The following SIPA1L3 variants were observed in gnomAD, a reference collection of about 807,000 sequenced individuals.
SIPA1L3 encodes signal-induced proliferation-associated 1-like protein 3.
In SIPA1L3, 59 loss-of-function variants were observed where a neutral mutation model predicts 150.1. The ratio of observed to expected loss-of-function variants is 0.39; its 90% confidence interval spans 0.32 to 0.49. The LOEUF is 0.49. SIPA1L3 is among the 20% of genes least tolerant of loss of function. SIPA1L3 has a pLI of 0.86. For missense variants in SIPA1L3, 2,211 were observed against 2,489.5 expected, an observed-to-expected ratio of 0.89 and a Z score of 2.38; for synonymous variants, 1,070 against 1,077.6, an observed-to-expected ratio of 0.99 and a Z score of 0.14.
intron 1 of SIPA1L3, among the ~76,000 whole-genome samples, chr19:37,934,685 CT>C (rs2046585008): frequency 7.0e-6 from 1 of 143,244 alleles, no homozygotes; most frequent in Non-Finnish European, 1.5e-5. Context: ...GGTTCCACCC[CT>C]GTGTCAGCAT....
chr19:37,943,651 G>A (rs1249014473), intron 1 of SIPA1L3, among the ~76,000 whole-genome samples: 2 of 152,186 alleles, frequency 1.3e-5, no homozygotes, highest in African/African-American at 2.4e-5. Context: ...TGATTGGGCT[G>A]AAAGTGTTCT....
chr19:38,122,396 C>G (rs10413551), intron 9 of SIPA1L3, among the ~76,000 whole-genome samples: 4,420 of 152,322 alleles, frequency 0.029, 210 homozygotes, highest in African/African-American at 0.1. Context: ...CACTCTCTCT[C>G]ATGCCCACAT....
intron 2 of SIPA1L3, among the ~76,000 whole-genome samples, chr19:38,030,623 A>AATATATATATATATATAT (rs757828313): frequency 9.4e-5 from 4 of 42,632 alleles, no homozygotes; most frequent in South Asian, 7.7e-4. Context: ...ATATGTGGCA[A>AATATATATATATATATAT]ATATATATAT....
At chr19:38,083,364 C>T (rs908201533) in intron 3 of SIPA1L3, among the ~76,000 whole-genome samples, 8 of 152,208 alleles carry the variant, frequency 5.3e-5, no homozygotes, top group Non-Finnish European at 8.8e-5. Context: ...GACTTGGGGA[C>T]AGCTCAGTGC....
intron 8 of SIPA1L3, among the ~76,000 whole-genome samples, chr19:38,112,720 G>A (rs1970794404): frequency 1.3e-5 from 2 of 152,012 alleles, no homozygotes; most frequent in Admixed American, 1.3e-4. Flanking sequence ...AAATGTTAGA[G>A]ATACAACCAA....
At chr19:38,073,849 G>C (rs556291278) in intron 2 of SIPA1L3, among the ~76,000 whole-genome samples, 1 of 152,184 alleles carries the variant, frequency 6.6e-6, no homozygotes, top group African/African-American at 2.4e-5. Context: ...ACCCTGGGCC[G>C]ACCAAGCCCA....
chr19:38,115,290 GAAAT>G (rs1970858168), intron 8 of SIPA1L3, among the ~76,000 whole-genome samples: 1 of 152,170 alleles, frequency 6.6e-6, no homozygotes, highest in Non-Finnish European at 1.5e-5. Context: ...GAAGGGAAGA[GAAAT>G]AAATACTCCA....
rs1001501115 is a variant in SIPA1L3 at position 38,082,695 on chromosome 19, C to T, written c.1130C>T (p.Ala377Val). The change falls in exon 3 of 22, where the codon GCC becomes GTC. Residue 377 changes from alanine to valine, a missense_variant. Ala to Val is a moderately conservative substitution (Grantham distance 64, BLOSUM62 0). Around this residue, in one of 5 missense-constraint regions of SIPA1L3, gnomAD observed 587 missense variants for 534.5 expected, o/e 1.10. Transcript: ENST00000222345. ...NTTTGASAAS[A>V]ASAMASLTAS... ...ACCACGGGTGCTTCGGCCGCTTCCG[C>T]CGCCTCGGCCATGGCCTCCCTCACG... 2.5e-6 allele frequency: 4 copies of T among 1,609,852 alleles called. No individual in the cohort carries two copies. The highest frequency in any genetic ancestry group is 4.5e-5 in the East Asian group (2 of 44,818).
chr19:38,034,911 C>A (rs909912292), intron 2 of SIPA1L3, among the ~76,000 whole-genome samples: 1 of 152,214 alleles, frequency 6.6e-6, no homozygotes, highest in Non-Finnish European at 1.5e-5. Context: ...CTCCCCTGCC[C>A]GTCCCTGTAG....
chr19:37,945,098 A>C (rs2046698298), intron 1 of SIPA1L3, among the ~76,000 whole-genome samples: 1 of 152,246 alleles, frequency 6.6e-6, no homozygotes, highest in Non-Finnish European at 1.5e-5. Context: ...TTTTATAGTA[A>C]AGTGCTGAGT....
chr19:38,062,606 TTTATTA>T (rs1207825635), intron 2 of SIPA1L3, among the ~76,000 whole-genome samples: 2 of 135,962 alleles, frequency 1.5e-5, no homozygotes, highest in South Asian at 2.2e-4. Flanking sequence ...TTGCTCTCAT[TTTATTA>T]TTATTATTAT....
At chr19:37,967,699 T>C (rs1289984882) in intron 1 of SIPA1L3, among the ~76,000 whole-genome samples, 1 of 152,190 alleles carries the variant, frequency 6.6e-6, no homozygotes, top group East Asian at 1.9e-4. Context: ...ACGTGAATTT[T>C]AGGGGGACAC....
Position 38,046,563 on chromosome 19 carries a change from G to C in SIPA1L3, c.-311+17407G>C, listed in dbSNP as rs893682183. ...AGATTACCTGTGTCTCCTGGGCATG[G>C]CACAGGAAATGACTCCTTCATAGGC... On this transcript the variant is annotated intron_variant, in intron 2 of 21. Coordinates refer to ENST00000222345, the MANE Select transcript of SIPA1L3 (RefSeq NM_015073.3). This position sits in a 1 kb window ranked among gnomAD's most constrained non-coding sequence, Gnocchi z 5.6. Among the ~76,000 whole-genome samples, 3 of 152,194 alleles carry C rather than the reference G, an allele frequency of 2.0e-5. No homozygotes were observed. Among genetic ancestry groups the C allele is most frequent in the African/African-American group, 7.2e-5 (3 of 41,452 alleles).
chr19:37,971,580 T>G (rs1966938467), intron 1 of SIPA1L3, among the ~76,000 whole-genome samples: 1 of 146,122 alleles, frequency 6.8e-6, no homozygotes, highest in South Asian at 2.2e-4. Flanking sequence ...GTTTTTTTTT[T>G]GCAGAGACAG....
intron 2 of SIPA1L3, among the ~76,000 whole-genome samples, chr19:38,038,347 C>G (rs1374706521): frequency 6.6e-6 from 1 of 152,074 alleles, no homozygotes; most frequent in African/African-American, 2.4e-5. Context: ...AATCCCAGCA[C>G]TTTGGGAGGC....
intron 1 of SIPA1L3, among the ~76,000 whole-genome samples, chr19:37,971,786 C>T (rs963858112): frequency 2.3e-4 from 35 of 152,094 alleles, no homozygotes; most frequent in Non-Finnish European, 3.4e-4. Context: ...AGGTTGGTCT[C>T]GAACTCCTGA....
chr19:38,020,790 C>T (rs975695811), intron 1 of SIPA1L3, among the ~76,000 whole-genome samples: 2 of 152,004 alleles, frequency 1.3e-5, no homozygotes, highest in East Asian at 3.9e-4. Flanking sequence ...TCCCACAATT[C>T]ATCTCTGAGT....
chr19:38,057,069 G>A (rs920929373), intron 2 of SIPA1L3, among the ~76,000 whole-genome samples: 2 of 152,034 alleles, frequency 1.3e-5, no homozygotes, highest in African/African-American at 4.8e-5. Flanking sequence ...TCAGGGGTTC[G>A]AGACCAGTCT....
At chr19:37,919,132 C>T (rs534876408) in intron 1 of SIPA1L3, among the ~76,000 whole-genome samples, 160 of 152,176 alleles carry the variant, frequency 1.1e-3, no homozygotes, top group African/African-American at 3.7e-3. Flanking sequence ...CTATGAGAGT[C>T]GTGGTTCTAG....
Sources: allele counts gnomAD v4.1 joint callset (sites outside exome capture counted in the v4.1 genomes callset), GRCh38; gene constraint gnomAD v4.1.1; regional missense constraint gnomAD v4.1.1; non-coding constraint Gnocchi (gnomAD v3.1); transcripts MANE v1.5; gene names NCBI Gene and HGNC (gene_info 2026-07-23, HGNC 2026-07-21).